Variants in PIGL observed in about 807,000 individuals in gnomAD.
PIGL encodes the protein N-acetylglucosaminyl-phosphatidylinositol de-N-acetylase.
Under a neutral mutation model 31.1 loss-of-function variants are expected in PIGL, and 22 were observed. That is an observed-to-expected ratio of 0.71 (90% CI 0.51 to 1.01). PIGL has a LOEUF of 1.01. PIGL is among the 50% of genes least tolerant of loss of function. The probability of loss-of-function intolerance (pLI) is 0.00; values close to 1 mark genes in which losing one functional copy is unlikely to be tolerated. For missense variants in PIGL, 302 were observed against 315.9 expected (o/e 0.96, Z 0.33); for synonymous variants, 131 against 117.4 (o/e 1.12, Z -0.75).
At chr17:16,235,106 A>G (rs1459712285) in intron 2 of PIGL, among the ~76,000 whole-genome samples, 2 of 152,190 alleles carry the variant, frequency 1.3e-5, no homozygotes, top group African/African-American at 4.8e-5. Flanking sequence ...TTAGGTCTGC[A>G]TCTCTTAAGA....
chr17:16,257,473 C>T (rs1428622192), intron 2 of PIGL, among the ~76,000 whole-genome samples: 1 of 151,990 alleles, frequency 6.6e-6, no homozygotes, highest in Non-Finnish European at 1.5e-5. Flanking sequence ...AGATGGTGAG[C>T]CTCTGAAGAT....
At chr17:16,228,925 T>C (rs987808265) in intron 1 of PIGL, among the ~76,000 whole-genome samples, 27 of 152,306 alleles carry the variant, frequency 1.8e-4, no homozygotes, top group African/African-American at 6.5e-4. Flanking sequence ...GCCTGGCTTA[T>C]GCTAATTAGC....
chr17:16,311,458 G>GTTTTTTTTTTTTTTTTTTTTTTTTTTTTT (rs1370834513), intron 3 of PIGL, among the ~76,000 whole-genome samples: 1 of 5,860 alleles, frequency 1.7e-4, no homozygotes, highest in African/African-American at 8.9e-4. Context: ...AAGCACAGAG[G>GTTTTTTTTTTTTTTTTTTTTTTTTTTTTT]TTTTCTTTCT....
At chr17:16,270,619 A>T (rs2092867408) in intron 2 of PIGL, among the ~76,000 whole-genome samples, 1 of 152,114 alleles carries the variant, frequency 6.6e-6, no homozygotes, top group Non-Finnish European at 1.5e-5. Context: ...TAGTCAGGCC[A>T]GGCACAGTGG....
chr17:16,254,241 C>G (rs1489513256), intron 2 of PIGL, among the ~76,000 whole-genome samples: 1 of 152,216 alleles, frequency 6.6e-6, no homozygotes, highest in East Asian at 1.9e-4. Flanking sequence ...CCACTGTATT[C>G]TAGCATATAC....
At chr17:16,270,450 AATT>A (rs1481587880) in intron 2 of PIGL, among the ~76,000 whole-genome samples, 1 of 151,738 alleles carries the variant, frequency 6.6e-6, no homozygotes, top group African/African-American at 2.4e-5. Context: ...ATTAATTATA[AATT>A]AATTAATTAT....
intron 2 of PIGL, among the ~76,000 whole-genome samples, chr17:16,292,633 C>T (rs2092965851): frequency 6.6e-6 from 1 of 152,164 alleles, no homozygotes; most frequent in African/African-American, 2.4e-5. Context: ...TGGAAACAAC[C>T]TAAATAATTG....
chr17:16,230,849 C>CA (rs1356165392), intron 1 of PIGL, among the ~76,000 whole-genome samples: 41 of 151,712 alleles, frequency 2.7e-4, no homozygotes, highest in Admixed American at 6.6e-4. Context: ...TTATACATCA[C>CA]AATGTATAAA....
intron 1 of PIGL, among the ~76,000 whole-genome samples, chr17:16,230,113 G>A (rs1056371355): frequency 1.3e-5 from 2 of 151,866 alleles, no homozygotes; most frequent in Non-Finnish European, 2.9e-5. Flanking sequence ...CACCTGCCTC[G>A]GCCTCTCAAA....
intron 2 of PIGL, among the ~76,000 whole-genome samples, chr17:16,244,620 G>T (rs1415924651): frequency 6.6e-6 from 1 of 152,150 alleles, no homozygotes; most frequent in Non-Finnish European, 1.5e-5. Context: ...TTGGGATGGG[G>T]TTACATTTGG....
chr17:16,312,940 A>T, intron 3 of PIGL: 1 of 137,666 alleles, frequency 7.3e-6, no homozygotes, highest in African/African-American at 3.2e-5. Context: ...GGGGGGGGAG[A>T]GGGAGAGGGA....
chr17:16,290,762 C>A (rs1350564483), intron 2 of PIGL, among the ~76,000 whole-genome samples: 1 of 151,704 alleles, frequency 6.6e-6, no homozygotes, highest in Non-Finnish European at 1.5e-5. Context: ...CTCACTGGAG[C>A]CTTAACCTCT....
At chr17:16,321,998 G>A (rs2093108080) in intron 6 of PIGL, among the ~76,000 whole-genome samples, 1 of 152,088 alleles carries the variant, frequency 6.6e-6, no homozygotes, top group Non-Finnish European at 1.5e-5. Flanking sequence ...TGGTCAGGCT[G>A]GTCTCGAACT....
chr17:16,244,784 C>T (rs1426460527), intron 2 of PIGL, among the ~76,000 whole-genome samples: 6 of 152,258 alleles, frequency 3.9e-5, no homozygotes, highest in Admixed American at 3.9e-4. Flanking sequence ...AAGTGACCCT[C>T]CTGCCTCAGT....
At chr17:16,254,076 C>T (rs1193149977) in intron 2 of PIGL, among the ~76,000 whole-genome samples, 1 of 152,082 alleles carries the variant, frequency 6.6e-6, no homozygotes, top group Non-Finnish European at 1.5e-5. Flanking sequence ...TGTGCTAGTC[C>T]CTCCTCTAAC....
chr17:16,244,348 G>T (rs1040521622), intron 2 of PIGL, among the ~76,000 whole-genome samples: 1 of 152,178 alleles, frequency 6.6e-6, no homozygotes, highest in Non-Finnish European at 1.5e-5. Flanking sequence ...AATGAACAAG[G>T]ACAGCTTGGA....
chr17:16,258,138 AAAGAG>A (rs2092804274), intron 2 of PIGL, among the ~76,000 whole-genome samples: 1 of 115,560 alleles, frequency 8.7e-6, no homozygotes, highest in Admixed American at 8.6e-5. Context: ...AGAGAGAGAG[AAAGAG>A]AGAGAGAGAG....
chr17:16,322,602 A>G (rs572342380), intron 6 of PIGL, among the ~76,000 whole-genome samples: 1 of 152,334 alleles, frequency 6.6e-6, no homozygotes, highest in South Asian at 2.1e-4. Flanking sequence ...CTTTGAGGGT[A>G]TAATTTACAG....
intron 1 of PIGL, among the ~76,000 whole-genome samples, chr17:16,231,097 A>T (rs1600749191): frequency 8.1e-6 from 1 of 123,388 alleles, no homozygotes. Context: ...TTTGGTAGAG[A>T]GAGGTCTTGC....
Sources: gnomAD v4.1 joint callset for allele counts (sites outside exome capture counted in the v4.1 genomes callset) on GRCh38, gnomAD v4.1.1 for gene constraint, MANE v1.5 for transcripts, NCBI Gene and HGNC (gene_info 2026-07-23, HGNC 2026-07-21) for gene names.